Variants in ECHS1 observed in about 807,000 individuals in gnomAD.
The protein encoded by ECHS1 is enoyl-CoA hydratase, short chain 1, also known as enoyl-CoA hydratase, mitochondrial.
In ECHS1, 19 loss-of-function variants were observed where a neutral mutation model predicts 33.5. The ratio of observed to expected loss-of-function variants is 0.57; its 90% CI spans 0.40 to 0.83. ECHS1 has a LOEUF of 0.83. Among genes scored for constraint, ECHS1 ranks in the 40% least tolerant of loss-of-function variants. The probability of loss-of-function intolerance (pLI) is 0.00; values close to 1 mark genes in which losing one functional copy is unlikely to be tolerated. For synonymous variants in ECHS1, 158 were observed against 146.6 expected (o/e 1.08, Z -0.56); for missense variants, 365 against 381.3 (o/e 0.96, Z 0.36).
In ECHS1 at chr10:133,370,017, T is replaced by C; in HGVS notation, c.301A>G (p.Lys101Glu). The C allele has an allele frequency of 1.2e-6, 2 of 1,613,802 alleles. No individual in the cohort carries two copies. The highest frequency in any genetic ancestry group is 1.7e-5 in the Admixed American group (1 of 60,012). Residue 101 changes from lysine to glutamate, a missense_variant, in exon 3 of 8, where the codon AAG (lysine) becomes GAG (glutamate). Coordinates refer to ENST00000368547, the MANE Select transcript of ECHS1 (RefSeq NM_004092.4). ...DKAFAAGADI[K>E]EMQNLSFQDC... is the part of the protein sequence containing the mutation. The stretch of plus-strand genomic sequence containing the variant: ...TGGAAACTCAGGTTCTGCATTTCCT[T>C]GATATCAGCTCCAGCTAGCAGGAGT...
At chr10:133,364,637 G>T in intron 7 of ECHS1, 21 bp downstream of exon 7, 1 of 1,593,296 alleles carries the variant, frequency 6.3e-7, no homozygotes, top group Non-Finnish European at 8.6e-7. Flanking sequence ...TTGATTCTCC[G>T]GTTGAACACT....
chr10:133,373,191 G>A, intron 1 of ECHS1, 55 bp downstream of exon 1: 1 of 1,341,742 alleles, frequency 7.5e-7, no homozygotes, highest in Non-Finnish European at 9.7e-7. Flanking sequence ...TGGTCTGGGC[G>A]TGCAGGTCGG....
chr10:133,365,025 A>G (rs1849010979), intron 6 of ECHS1, among the ~76,000 whole-genome samples: 1 of 152,348 alleles, frequency 6.6e-6, no homozygotes, highest in Admixed American at 6.5e-5. Flanking sequence ...AGAGGCTGTG[A>G]GGCGGCAACG....
intron 6 of ECHS1, 30 bp downstream of exon 6, chr10:133,365,943 ACCT>A: frequency 1.9e-6 from 3 of 1,611,262 alleles, no homozygotes; most frequent in Non-Finnish European, 2.5e-6. Flanking sequence ...AGCCACGGAG[ACCT>A]CTCCAGTGTC....
chr10:133,370,856 C>T (rs1415154070), intron 1 of ECHS1, 99 bp from the exon 2 acceptor site: 3 of 1,266,898 alleles, frequency 2.4e-6, no homozygotes, highest in African/African-American at 1.5e-5. Flanking sequence ...ACAGTGTGAC[C>T]CCAAGAGGCC....
At chr10:133,370,977 G>T (rs1849100428) in intron 1 of ECHS1, among the ~76,000 whole-genome samples, 1 of 152,098 alleles carries the variant, frequency 6.6e-6, no homozygotes, top group Admixed American at 6.5e-5. Flanking sequence ...GTTTGAACAT[G>T]TCCTAAAGAA....
intron 3 of ECHS1, 22 bp from the exon 4 acceptor site, chr10:133,369,044 G>A (rs1333707259): frequency 4.3e-6 from 7 of 1,610,136 alleles, no homozygotes; most frequent in African/African-American, 2.7e-5. Flanking sequence ...TCGGCATCAG[G>A]AGAGTCTTAC....
At chr10:133,370,169 A>G in intron 2 of ECHS1, 138 bp from the exon 3 acceptor site, 10 of 1,220,694 alleles carry the variant, frequency 8.2e-6, no homozygotes, top group Non-Finnish European at 1.1e-5. Flanking sequence ...ACACCAGGCC[A>G]CGTGGACAGC....
intron 7 of ECHS1, among the ~76,000 whole-genome samples, chr10:133,363,563 C>G (rs774123399): frequency 6.6e-6 from 1 of 152,228 alleles, no homozygotes; most frequent in African/African-American, 2.4e-5. Context: ...GCAGGCAGAT[C>G]ACTTGAGGTC....
At chr10:133,364,327 A>T (rs1395628647) in intron 7 of ECHS1, among the ~76,000 whole-genome samples, 1 of 152,140 alleles carries the variant, frequency 6.6e-6, no homozygotes, top group Admixed American at 6.5e-5. Flanking sequence ...TCAGCCTCCC[A>T]GGAAGCTGGG....
At chr10:133,364,314 G>A (rs1175639772) in intron 7 of ECHS1, among the ~76,000 whole-genome samples, 1 of 152,022 alleles carries the variant, frequency 6.6e-6, no homozygotes, top group Non-Finnish European at 1.5e-5. Context: ...CGAACGACCC[G>A]CCTCAGCCTC....
rs899546197 is a variant in ECHS1, at chr10:133,367,104, G to A, written c.515-111C>T. 7.8e-5 allele frequency: 65 copies of A among 831,938 alleles called. 2 individuals carry two copies. Among genetic ancestry groups the A allele is most frequent in the South Asian group, 3.5e-4 (23 of 66,512 alleles). The allele number at this position is 831,938 out of a possible 1,614,324, so 51.5% of individuals were successfully genotyped here. A position where few individuals can be genotyped will look rare whatever the true frequency, so the allele number is the denominator to read the frequency against. ...GGCTTAAGATAGGCCCTGAGACTAG[G>A]TCCAGGGGTCAGAGGCCAGGCAGCA... On this transcript the variant is annotated intron_variant, in intron 4 of 7. Transcript: ENST00000368547.
chr10:133,362,602 C>A lies in ECHS1; in HGVS notation c.*266G>T. On this transcript the variant is annotated 3_prime_UTR_variant, in exon 8 of 8. Coordinates refer to ENST00000368547, the MANE Select transcript of ECHS1 (RefSeq NM_004092.4). Reference sequence around the variant, plus strand: ...ACAAGGACCCGCAGGCCCCGCTTTCCGTCCGAGCACAGCATGCCCAGAGGG... The same window carrying A: ...ACAAGGACCCGCAGGCCCCGCTTTCAGTCCGAGCACAGCATGCCCAGAGGG... The A allele has an allele frequency of 3.9e-6, 2 of 513,062 alleles. No homozygotes were observed. Among genetic ancestry groups the A allele is most frequent in the Middle Eastern group, 5.4e-4 (1 of 1,860 alleles). The allele number at this position is 513,062 out of a possible 1,614,324, so 31.8% of individuals were successfully genotyped here.
Position 133,373,250 on chromosome 10 carries a change from G to T in ECHS1, c.84C>A (p.Ala28=). 6.9e-7 allele frequency: 1 copy of T among 1,440,206 alleles called. No individual in the cohort carries two copies. The allele number at this position is 1,440,206 out of a possible 1,614,324, so 89.2% of individuals were successfully genotyped here. ...CAGCTCTCACCGCGCACTCACCCGAGGCGAAGGGACGCCAGGCGGGACAGC... is the reference window on the plus strand; with the variant it reads ...CAGCTCTCACCGCGCACTCACCCGATGCGAAGGGACGCCAGGCGGGACAGC... The part of the protein sequence containing the change: ...PVRCPAWRPF[A]SGANFEYIIA... The change falls in exon 1 of 8, where the codon GCC becomes GCA. Residue 28 remains alanine, a synonymous_variant. Transcript: ENST00000368547.
chr10:133,364,639 T>C lies in ECHS1; in HGVS notation c.807+19A>G. 1 of 1,600,186 alleles carries C rather than the reference T, an allele frequency of 6.2e-7. No individual in the cohort carries two copies. Among genetic ancestry groups the C allele is most frequent in the Non-Finnish European group, 8.6e-7 (1 of 1,168,034 alleles). Reference sequence around the variant, plus strand: ...GACTGGAATTTGCTTGATTCTCCGGTTGAACACTGTTTACTCACAGTGGCA... The same window carrying C: ...GACTGGAATTTGCTTGATTCTCCGGCTGAACACTGTTTACTCACAGTGGCA... On this transcript the variant is annotated intron_variant, in intron 7 of 7. Coordinates refer to ENST00000368547, the MANE Select transcript of ECHS1 (RefSeq NM_004092.4).
chr10:133,368,000 G>A (rs1333726117), intron 4 of ECHS1, among the ~76,000 whole-genome samples: 1 of 152,058 alleles, frequency 6.6e-6, no homozygotes, highest in African/African-American at 2.4e-5. Context: ...CCAGCCATTC[G>A]GGGCCACTAC....
chr10:133,371,368 C>T (rs1849106859), intron 1 of ECHS1, among the ~76,000 whole-genome samples: 1 of 152,168 alleles, frequency 6.6e-6, no homozygotes, highest in East Asian at 1.9e-4. Context: ...GTCAGCTCTT[C>T]CCAGGACACC....
Position 133,362,742 on chromosome 10 carries a change from G to A in ECHS1, c.*126C>T, listed in dbSNP as rs1224408204. The A allele has an allele frequency of 9.1e-6, 10 of 1,100,324 alleles. No homozygotes were observed. Among genetic ancestry groups the A allele is most frequent in the Non-Finnish European group, 1.4e-5 (10 of 723,522 alleles). The allele number at this position is 1,100,324 out of a possible 1,614,324, so 68.2% of individuals were successfully genotyped here. A position where few individuals can be genotyped will look rare whatever the true frequency, so the allele number is the denominator to read the frequency against. On this transcript the variant is annotated 3_prime_UTR_variant, in exon 8 of 8. Coordinates refer to ENST00000368547, the MANE Select transcript of ECHS1 (RefSeq NM_004092.4). ...TGAGAGGTCGGGCCACGACCACGCA[G>A]CAATTGGAGAGGAACTGCACACCAC...
rs1444090928 is a variant in ECHS1, at chr10:133,369,045, A to G, written c.415-23T>C. ...AAACTGTAAAACATTCGGCATCAGGAGAGTCTTACCAGGGGAACCCAGTCA... is the reference window on the plus strand; with the variant it reads ...AAACTGTAAAACATTCGGCATCAGGGGAGTCTTACCAGGGGAACCCAGTCA... On this transcript the variant is annotated intron_variant, in intron 3 of 7. Coordinates refer to ENST00000368547, the MANE Select transcript of ECHS1 (RefSeq NM_004092.4). 1.9e-6 allele frequency: 3 copies of G among 1,610,118 alleles called. No homozygotes were observed. The East Asian group carries it at 6.7e-5, about 36-fold the overall frequency.
Sources: gnomAD v4.1 joint callset for allele counts (sites outside exome capture counted in the v4.1 genomes callset) on GRCh38, gnomAD v4.1.1 for gene constraint, MANE v1.5 for transcripts, NCBI Gene and HGNC (gene_info 2026-07-23, HGNC 2026-07-21) for gene names.